Variants in ZDBF2 observed in about 807,000 individuals in gnomAD.
ZDBF2 encodes the protein DBF4-type zinc finger-containing protein 2.
Under a neutral mutation model 9.4 loss-of-function variants are expected in ZDBF2, and 6 were observed. The ratio of observed to expected loss-of-function variants is 0.64; its 90% CI spans 0.35 to 1.27. The LOEUF (loss-of-function observed/expected upper bound fraction) is 1.27. Ranked by LOEUF, ZDBF2 falls within the 50% of genes most tolerant of loss-of-function variation. The pLI is 0.03. For synonymous variants in ZDBF2, 905 were observed against 946.3 expected (o/e 0.96, Z 0.80); for missense variants, 2,697 against 2,766.8 (o/e 0.97, Z 0.57).
Position 206,307,485 on chromosome 2 carries a change from CT to C in ZDBF2, c.2958del (p.Glu987AsnfsTer16). ...KETWLQREKH[A>X]EFQGRSTEFS... ...ACATGGCTTCAAAGAGAAAAGCACG[CT>C]GAATTCCAAGGTAGAAGTACTGAAT... On this transcript the variant is annotated frameshift_variant, in exon 5 of 5. Coordinates refer to ENST00000374423, the MANE Select transcript of ZDBF2 (RefSeq NM_020923.3). LOFTEE classifies it low-confidence loss of function (END_TRUNC). 6.2e-7 allele frequency: 1 copy of C among 1,613,142 alleles called. No individual in the cohort carries two copies. Among genetic ancestry groups the C allele is most frequent in the Non-Finnish European group, 8.5e-7 (1 of 1,179,558 alleles).
Position 206,297,297 on chromosome 2 carries a change from A to G in ZDBF2, c.112A>G (p.Ile38Val), listed in dbSNP as rs1327152277. 6.2e-7 allele frequency: 1 copy of G among 1,606,580 alleles called. No individual in the cohort carries two copies. Among genetic ancestry groups the G allele is most frequent in the Admixed American group, 1.7e-5 (1 of 60,016 alleles). ...TTTGACCAGACAGAGTAGACGTCAAATATGTACCAGTAGTTTGATGGAACG... is the reference window on the plus strand; with the variant it reads ...TTTGACCAGACAGAGTAGACGTCAAGTATGTACCAGTAGTTTGATGGAACG... ...RSLTRQSRRQICTSSLMERFL... is the reference protein window; with the variant it reads ...RSLTRQSRRQVCTSSLMERFL... Residue 38 changes from isoleucine (I) to valine (V), a missense_variant, in exon 4 of 5, where the codon ATA becomes GTA. Physicochemically the swap from Ile to Val is conservative, Grantham distance 29 (BLOSUM62 3). This residue lies in a region of ZDBF2 where 910 missense variants were observed against 973.6 expected (regional missense o/e 0.93). Transcript: ENST00000374423.
At chr2:206,275,129 G>A (rs1334651933) in intron 1 of ZDBF2, among the ~76,000 whole-genome samples, 183 bp downstream of exon 1, 1 of 152,158 alleles carries the variant, frequency 6.6e-6, no homozygotes, top group East Asian at 1.9e-4. Flanking sequence ...TGCTGCGTGA[G>A]AGGTGTCGGC....
At chr2:206,291,473 T>C (rs1691895738) in intron 3 of ZDBF2, among the ~76,000 whole-genome samples, 1 of 152,204 alleles carries the variant, frequency 6.6e-6, no homozygotes, top group African/African-American at 2.4e-5. Flanking sequence ...CCCTTCTCAC[T>C]GTGTCCTCCT....
intron 4 of ZDBF2, among the ~76,000 whole-genome samples, chr2:206,300,136 G>A (rs997011212): frequency 1.4e-4 from 21 of 151,894 alleles, no homozygotes; most frequent in African/African-American, 4.8e-4. Flanking sequence ...CAAACCCAAA[G>A]CAAAAAATTC....
In ZDBF2 at chr2:206,309,800, T is replaced by G. The variant is rs1693053528; in HGVS notation, c.5272T>G (p.Ser1758Ala). ...TTTTCAGTGTGCTCCCCCTCTTCCA[T>G]CTGATACTGATCAGCCTCAAGAAAC... ...MNFQCAPPLP[S>A]DTDQPQETVK... Residue 1758 changes from serine (S) to alanine (A), a missense_variant, in exon 5 of 5, where the codon TCT (serine) becomes GCT (alanine). Physicochemically the swap from Ser to Ala is moderately conservative, Grantham distance 99 (BLOSUM62 1). This residue lies in a region of ZDBF2 where 1,783 missense variants were observed against 1,776.5 expected (regional missense o/e 1.00). Coordinates refer to ENST00000374423, the MANE Select transcript of ZDBF2 (RefSeq NM_020923.3). 1.2e-6 allele frequency: 2 copies of G among 1,613,970 alleles called. No individual in the cohort carries two copies. Among genetic ancestry groups the G allele is most frequent in the Non-Finnish European group, 1.7e-6 (2 of 1,179,878 alleles).
In ZDBF2 at chr2:206,311,126, C is replaced by T. The variant is rs763841699; in HGVS notation, c.6598C>T (p.Leu2200Phe). 7 of 1,613,814 alleles carry T rather than the reference C, an allele frequency of 4.3e-6. No homozygotes were observed. Among genetic ancestry groups the T allele is most frequent in the Non-Finnish European group, 5.9e-6 (7 of 1,179,870 alleles). Residue 2200 changes from leucine (L) to phenylalanine (F), a missense_variant, in exon 5 of 5, where the codon CTC (leucine) becomes TTC (phenylalanine). By Grantham distance (22) the Leu-to-Phe change is conservative. Around this residue, in one of 3 missense-constraint regions of ZDBF2, gnomAD observed 1,783 missense variants for 1,776.5 expected, o/e 1.00. Coordinates refer to ENST00000374423, the MANE Select transcript of ZDBF2 (RefSeq NM_020923.3). ...FPKKVYKPII[L>F]QQKPRKASEK... Reference sequence around the variant, plus strand: ...CAAAAAGGTTTATAAACCAATTATTCTCCAGCAAAAACCCAGAAAAGCTTC... The same window carrying T: ...CAAAAAGGTTTATAAACCAATTATTTTCCAGCAAAAACCCAGAAAAGCTTC...
At chr2:206,279,290 A>G (rs1167041007) in intron 1 of ZDBF2, among the ~76,000 whole-genome samples, 1 of 152,076 alleles carries the variant, frequency 6.6e-6, no homozygotes, top group Non-Finnish European at 1.5e-5. Context: ...TGTTCCAGGA[A>G]CCTAGAGACC....
chr2:206,295,358 C>CT (rs1692112028), intron 3 of ZDBF2, among the ~76,000 whole-genome samples: 1 of 133,196 alleles, frequency 7.5e-6, no homozygotes. Flanking sequence ...TTTTTCTTTT[C>CT]TTTTCTTTTT....
intron 3 of ZDBF2, among the ~76,000 whole-genome samples, chr2:206,296,329 G>A (rs775669446): frequency 3.3e-5 from 5 of 152,194 alleles, no homozygotes; most frequent in African/African-American, 7.2e-5. Flanking sequence ...TTTGTCCAGC[G>A]TATTCCTGCT....
At position 206,306,857 on chromosome 2, in the gene ZDBF2, G is replaced by T; in HGVS notation, c.2329G>T (p.Asp777Tyr). The T allele has an allele frequency of 6.2e-7, 1 of 1,613,842 alleles. No homozygotes were observed. The change falls in exon 5 of 5, where the codon GAC (aspartate) becomes TAC (tyrosine). Residue 777 changes from aspartate to tyrosine, a missense_variant. Asp to Tyr is a radical substitution (Grantham distance 160, BLOSUM62 -3). Around this residue, in one of 3 missense-constraint regions of ZDBF2, gnomAD observed 910 missense variants for 973.6 expected, o/e 0.93. Transcript: ENST00000374423. ...TGCTGAAGGAAAAGAACGGCACATTGACCTGGAAGATGAGAGCTGTGAGTC... is the reference window on the plus strand; with the variant it reads ...TGCTGAAGGAAAAGAACGGCACATTTACCTGGAAGATGAGAGCTGTGAGTC... ...LDAEGKERHI[D>Y]LEDESCESDS...
At chr2:206,291,670 T>C (rs1302640283) in intron 3 of ZDBF2, among the ~76,000 whole-genome samples, 2 of 152,208 alleles carry the variant, frequency 1.3e-5, no homozygotes, top group African/African-American at 4.8e-5. Context: ...AGCAGTTAGA[T>C]TGATTGGTTT....
intron 3 of ZDBF2, among the ~76,000 whole-genome samples, chr2:206,290,090 A>G (rs1459991799): frequency 6.6e-6 from 1 of 152,238 alleles, no homozygotes; most frequent in Non-Finnish European, 1.5e-5. Context: ...CAGTAGTATC[A>G]GCACCATTTG....
chr2:206,310,345 A>C lies in ZDBF2; in HGVS notation c.5817A>C (p.Thr1939=). ...QKGRVASQCQ[T]AKISHSTQTS... ...GGCGTGTGGCTTCTCAATGCCAGAC[A>C]GCGAAAATCAGCCATAGTACTCAGA... The change falls in exon 5 of 5, where the codon ACA becomes ACC. Residue 1939 remains threonine (T), a synonymous_variant. Transcript: ENST00000374423. 1 of 1,613,930 alleles carries C rather than the reference A, an allele frequency of 6.2e-7. No individual in the cohort carries two copies. The highest frequency in any genetic ancestry group is 1.7e-4 in the Middle Eastern group (1 of 6,060).
At chr2:206,287,139 T>C (rs1161562857) in intron 3 of ZDBF2, among the ~76,000 whole-genome samples, 2 of 152,196 alleles carry the variant, frequency 1.3e-5, no homozygotes, top group African/African-American at 4.8e-5. Flanking sequence ...CTTTTCTCTT[T>C]CTCCTTTGCA....
rs1692816383 is a variant in ZDBF2 at position 206,306,630 on chromosome 2, C to G, written c.2102C>G (p.Ser701Cys). ...DVDLENKSVQ[S>C]SRSSLSSDSP... The stretch of plus-strand genomic sequence containing the variant: ...GACCTTGAGAATAAGAGTGTTCAGT[C>G]TAGCCGTTCTTCTCTGAGTTCTGAT... Residue 701 changes from serine (S) to cysteine (C), a missense_variant, in exon 5 of 5, where the codon TCT becomes TGT. Transcript: ENST00000374423. The G allele has an allele frequency of 1.2e-6, 2 of 1,613,598 alleles. No homozygotes were observed. Among genetic ancestry groups the G allele is most frequent in the African/African-American group, 1.3e-5 (1 of 74,926 alleles).
intron 1 of ZDBF2, among the ~76,000 whole-genome samples, chr2:206,277,324 AC>A (rs1159634063): frequency 4.0e-5 from 6 of 151,604 alleles, no homozygotes; most frequent in Admixed American, 3.9e-4. Flanking sequence ...AAAAAAAAAA[AC>A]CAAAAACAAA....
intron 3 of ZDBF2, among the ~76,000 whole-genome samples, chr2:206,289,804 A>G (rs1322232967): frequency 6.6e-6 from 1 of 152,054 alleles, no homozygotes; most frequent in Non-Finnish European, 1.5e-5. Flanking sequence ...CAAGGTGTTA[A>G]TGGGGGTTGG....
Position 206,308,546 on chromosome 2 carries a change from G to C in ZDBF2, c.4018G>C (p.Val1340Leu). The C allele has an allele frequency of 6.2e-7, 1 of 1,613,628 alleles. No homozygotes were observed. Among genetic ancestry groups the C allele is most frequent in the Non-Finnish European group, 8.5e-7 (1 of 1,179,800 alleles). ...TGTTTCAAATATCCCTCTTCAGTCA[G>C]TGATAAAACAACCACACATTTTGGA... The part of the protein sequence containing the change: ...IYVSNIPLQS[V>L]IKQPHILEEE... The change falls in exon 5 of 5, where the codon GTG (valine) becomes CTG (leucine). Residue 1340 changes from valine to leucine, a missense_variant. By Grantham distance (32) the Val-to-Leu change is conservative (BLOSUM62 1). Transcript: ENST00000374423.
intron 4 of ZDBF2, 31 bp downstream of exon 4, chr2:206,297,404 C>T (rs746990281): frequency 1.1e-5 from 18 of 1,585,038 alleles, no homozygotes; most frequent in Middle Eastern, 1.7e-4. Flanking sequence ...AATATTTATA[C>T]GTAGTTATAT....
Sources: gnomAD v4.1 joint callset for allele counts (sites outside exome capture counted in the v4.1 genomes callset) on GRCh38, gnomAD v4.1.1 for gene constraint, gnomAD v4.1.1 regional missense constraint, MANE v1.5 for transcripts, NCBI Gene and HGNC (gene_info 2026-07-23, HGNC 2026-07-21) for gene names.